The following NOTCH2NLR variants were observed in gnomAD, a reference collection of about 807,000 sequenced individuals.
The protein encoded by NOTCH2NLR is notch 2 N-terminal like R.
In NOTCH2NLR, 33 loss-of-function variants were observed where a neutral mutation model predicts 35.6. The ratio of observed to expected loss-of-function variants is 0.93; its 90% CI spans 0.70 to 1.24. NOTCH2NLR has a LOEUF of 1.24. Ranked by LOEUF, NOTCH2NLR falls within the 50% of genes most tolerant of loss-of-function variation. The pLI is 0.00. For synonymous variants in NOTCH2NLR, 103 were observed against 141.0 expected, an observed-to-expected ratio of 0.73 and a Z score of 1.91; for missense variants, 276 against 362.2, an observed-to-expected ratio of 0.76 and a Z score of 1.93.
At chr1:120,723,953 T>G in exon 1 of NOTCH2NLR, 1 of 787,080 alleles carries the variant, frequency 1.3e-6, no homozygotes. Flanking sequence ...TCAGCCAAAC[T>G]TCCGGCGGCG....
rs1329202014 is a variant in NOTCH2NLR, at chr1:120,790,743, G to T, written c.416-2418G>T. ...GCCTCCCAGGTAGCTGGGATTACAG[G>T]TATGCGCTATGAAGCCCGGCTAATT... On this transcript the variant is annotated intron_variant, in intron 3 of 4. Transcript: ENST00000624419. Among the ~76,000 whole-genome samples the T allele has an allele frequency of 1.1e-4, 12 of 110,834 alleles. 3 individuals are homozygous for T. Among genetic ancestry groups the T allele is most frequent in the Admixed American group, 1.8e-4 (2 of 11,366 alleles). The allele number at this position is 110,834 out of a possible 152,430, so 72.7% of individuals were successfully genotyped here.
intron 1 of NOTCH2NLR, among the ~76,000 whole-genome samples, chr1:120,726,983 A>G (rs1330610872): frequency 8.7e-6 from 1 of 114,884 alleles, no homozygotes; most frequent in African/African-American, 5.2e-5. Flanking sequence ...TCAGTGGGAT[A>G]TGCTTGGATG....
intron 2 of NOTCH2NLR, among the ~76,000 whole-genome samples, chr1:120,784,134 G>A (rs1651396162): frequency 8.5e-6 from 1 of 117,914 alleles, no homozygotes; most frequent in East Asian, 2.1e-4. Context: ...GGTTAAAAGA[G>A]ACTTGTATAT....
At position 120,785,365 on chromosome 1, in the gene NOTCH2NLR, C is replaced by A; in HGVS notation, c.415+132C>A. On this transcript the variant is annotated intron_variant, in intron 3 of 4. Transcript: ENST00000624419. ...GCACATTTAACATTATGATAAGGAA[C>A]TGGGATGTTCCAGACAACTATCCCT... The A allele has an allele frequency of 1.5e-5, 9 of 603,300 alleles. 3 individuals are homozygous for A. Among genetic ancestry groups the A allele is most frequent in the Non-Finnish European group, 2.5e-5 (9 of 364,408 alleles). The allele number at this position is 603,300 out of a possible 1,614,324, so 37.4% of individuals were successfully genotyped here.
exon 4 of NOTCH2NLR, chr1:120,793,454 C>G: frequency 7.0e-7 from 1 of 1,433,386 alleles, no homozygotes; most frequent in Non-Finnish European, 9.3e-7. Context: ...AGGCACCTGT[C>G]GGCAGACTGG....
intron 1 of NOTCH2NLR, among the ~76,000 whole-genome samples, chr1:120,752,673 C>T (rs1205334207): frequency 2.1e-5 from 1 of 46,538 alleles, no homozygotes; most frequent in African/African-American, 2.4e-4. Flanking sequence ...CGGGTTCATG[C>T]CATTCTCCTG....
rs1351221349 is a variant in NOTCH2NLR, at chr1:120,785,114, A to G, written c.296A>G (p.Glu99Gly). The G allele has an allele frequency of 9.0e-6, 13 of 1,445,892 alleles. 2 individuals carry two copies. The East Asian group carries it at 9.3e-5, about 10-fold the overall frequency. 89.6% of individuals were successfully genotyped at this position (1,445,892 alleles called of 1,614,324 possible). A position where few individuals can be genotyped will look rare whatever the true frequency, so the allele number is the denominator to read the frequency against. Reference sequence around the variant, plus strand: ...CGGTGTGCCTCAGGGTTTACAGGAGAGGACTGCCAGTACTCGACACCTCAT... The same window carrying G: ...CGGTGTGCCTCAGGGTTTACAGGAGGGGACTGCCAGTACTCGACACCTCAT... Residue 99 changes from glutamate to glycine, a missense_variant, in exon 3 of 5, where the codon GAG becomes GGG. Glu to Gly is a moderately conservative substitution (Grantham distance 98). Transcript: ENST00000624419.
chr1:120,754,649 AT>A (rs1651061341), intron 1 of NOTCH2NLR, among the ~76,000 whole-genome samples: 1 of 106,464 alleles, frequency 9.4e-6, no homozygotes, highest in East Asian at 2.3e-4. Flanking sequence ...TATGTTTTTC[AT>A]TTAGATGTAA....
chr1:120,770,178 G>GT (rs1174915535), intron 2 of NOTCH2NLR, among the ~76,000 whole-genome samples: 24 of 93,644 alleles, frequency 2.6e-4, no homozygotes, highest in South Asian at 1.3e-3. Flanking sequence ...TTTTGTTGTT[G>GT]TTTTTTTTTG....
At position 120,755,933 on chromosome 1, in the gene NOTCH2NLR, CTTTTTTT is replaced by C. The variant is rs1168463033; in HGVS notation, c.74-7679_74-7673del. 7.1e-4 allele frequency among the ~76,000 whole-genome samples: 62 copies of C among 87,300 alleles called. 9 individuals carry two copies. Among genetic ancestry groups the C allele is most frequent in the South Asian group, 2.1e-3 (6 of 2,810 alleles). The allele number at this position is 87,300 out of a possible 152,430, so 57.3% of individuals were successfully genotyped here. ...AACAAAATCGATTTATCTCTTATTG[CTTTTTTT>C]TTTTTTTTTTTTTTTCCTTTCAATC... On this transcript the variant is annotated intron_variant, in intron 1 of 4. Coordinates refer to ENST00000624419, the Ensembl canonical transcript of NOTCH2NLR.
At position 120,790,760 on chromosome 1, in the gene NOTCH2NLR, C is replaced by T. The variant is rs1423552525; in HGVS notation, c.416-2401C>T. ...GATTACAGGTATGCGCTATGAAGCC[C>T]GGCTAATTTTTGTATTTTTAGAAAA... On this transcript the variant is annotated intron_variant, in intron 3 of 4. Transcript: ENST00000624419. 1.0e-4 allele frequency among the ~76,000 whole-genome samples: 11 copies of T among 108,320 alleles called. 1 individual carries two copies. The East Asian group carries it at 1.1e-3, about 11-fold the overall frequency. The allele number at this position is 108,320 out of a possible 152,430, so 71.1% of individuals were successfully genotyped here. A position where few individuals can be genotyped will look rare whatever the true frequency, so the allele number is the denominator to read the frequency against.
At position 120,763,725 on chromosome 1, in the gene NOTCH2NLR, C is replaced by T; in HGVS notation, c.155+16C>T. 6 of 1,162,042 alleles carry T rather than the reference C, an allele frequency of 5.2e-6. 2 individuals are homozygous for T. The South Asian group carries it at 7.8e-5, about 15-fold the overall frequency. The allele number at this position is 1,162,042 out of a possible 1,614,324, so 72.0% of individuals were successfully genotyped here. A position where few individuals can be genotyped will look rare whatever the true frequency, so the allele number is the denominator to read the frequency against. On this transcript the variant is annotated intron_variant, in intron 2 of 4. Coordinates refer to ENST00000624419, the Ensembl canonical transcript of NOTCH2NLR. Reference sequence around the variant, plus strand: ...GATACTGCAAGTAAGTTTTTCTCTTCATATATTTTCTTTTTGCGATAGAAC... The same window carrying T: ...GATACTGCAAGTAAGTTTTTCTCTTTATATATTTTCTTTTTGCGATAGAAC...
rs1651392722 is a variant in NOTCH2NLR at position 120,783,802 on chromosome 1, T to A, written c.156-1172T>A. On this transcript the variant is annotated intron_variant, in intron 2 of 4. Coordinates refer to ENST00000624419, the Ensembl canonical transcript of NOTCH2NLR. ...TCAGCAATCCAGACTAAGACTTCAC[T>A]GGGTTTTGAGTTAGACAGAGGGAGT... 1.8e-5 allele frequency among the ~76,000 whole-genome samples: 2 copies of A among 113,716 alleles called. 1 individual carries two copies. The highest frequency in any genetic ancestry group is 1.1e-4 in the African/African-American group (2 of 18,866). The allele number at this position is 113,716 out of a possible 152,430, so 74.6% of individuals were successfully genotyped here. A position where few individuals can be genotyped will look rare whatever the true frequency, so the allele number is the denominator to read the frequency against.
chr1:120,752,649 C>A (rs1651037967), intron 1 of NOTCH2NLR, among the ~76,000 whole-genome samples: 1 of 38,084 alleles, frequency 2.6e-5, no homozygotes, highest in Non-Finnish European at 4.0e-5. Context: ...TGGCTCATTG[C>A]AAGCTCCGCC....
Position 120,724,219 on chromosome 1 carries a change from G to T in NOTCH2NLR, c.42G>T (p.Ala14=). Residue 14 remains alanine (A), a synonymous_variant, in exon 1 of 5, where the codon GCG becomes GCT. Coordinates refer to ENST00000624419, the Ensembl canonical transcript of NOTCH2NLR. ...CCGCTCTGCTGTGGGCGCTGCTGGC[G>T]CTCTGGCTGTGCTGGGCGGCCCCCG... The T allele has an allele frequency of 1.4e-6, 2 of 1,406,850 alleles. 1 individual carries two copies. The highest frequency in any genetic ancestry group is 1.9e-6 in the Non-Finnish European group (2 of 1,071,156). The allele number at this position is 1,406,850 out of a possible 1,614,324, so 87.1% of individuals were successfully genotyped here. A position where few individuals can be genotyped will look rare whatever the true frequency, so the allele number is the denominator to read the frequency against.
chr1:120,724,398 G>A lies in NOTCH2NLR; in HGVS notation c.73+148G>A, dbSNP rs1650791932. On this transcript the variant is annotated intron_variant, in intron 1 of 4. Coordinates refer to ENST00000624419, the Ensembl canonical transcript of NOTCH2NLR. ...CCACTCGCTGGGTTCCCAAGAGTTT[G>A]GACATCGCCGGGGGCCCCTCCCGTG... is the stretch of plus-strand genomic sequence containing the variant. The A allele has an allele frequency of 1.5e-6, 2 of 1,346,342 alleles. 1 individual carries two copies. Among genetic ancestry groups the A allele is most frequent in the Non-Finnish European group, 1.9e-6 (2 of 1,030,446 alleles). 83.4% of individuals were successfully genotyped at this position (1,346,342 alleles called of 1,614,324 possible).
chr1:120,733,051 A>AT (rs1234926842), intron 1 of NOTCH2NLR, among the ~76,000 whole-genome samples: 2 of 51,964 alleles, frequency 3.8e-5, no homozygotes, highest in East Asian at 4.6e-4. Context: ...GCTGGCATTA[A>AT]TTTTTTGGTA....
rs1650839883 is a variant in NOTCH2NLR at position 120,728,519 on chromosome 1, A to G, written c.73+4269A>G. On this transcript the variant is annotated intron_variant, in intron 1 of 4. Transcript: ENST00000624419. ...TAAATCACTTTGACTTTGGAATCTCACTTCAAAGGCACTGCCATCCACCCC... is the reference window on the plus strand; with the variant it reads ...TAAATCACTTTGACTTTGGAATCTCGCTTCAAAGGCACTGCCATCCACCCC... 2.6e-5 allele frequency among the ~76,000 whole-genome samples: 3 copies of G among 115,920 alleles called. 1 individual carries two copies. The highest frequency in any genetic ancestry group is 3.3e-5 in the Non-Finnish European group (2 of 60,820). The allele number at this position is 115,920 out of a possible 152,430, so 76.0% of individuals were successfully genotyped here.
At chr1:120,755,933 C>CTTT (rs1168463033) in intron 1 of NOTCH2NLR, among the ~76,000 whole-genome samples, 1 of 87,262 alleles carries the variant, frequency 1.1e-5, no homozygotes. Flanking sequence ...TCTCTTATTG[C>CTTT]TTTTTTTTTT....
Sources: allele counts gnomAD v4.1 joint callset (sites outside exome capture counted in the v4.1 genomes callset), GRCh38; gene constraint gnomAD v4.1.1; transcripts MANE v1.5; gene names NCBI Gene and HGNC (gene_info 2026-07-23, HGNC 2026-07-21).